Variants in ARHGAP6 observed in about 807,000 individuals in gnomAD.
ARHGAP6 encodes the protein rho GTPase-activating protein 6.
ARHGAP6 carries 16 observed loss-of-function variants against 55.7 expected under a neutral mutation model. That is an observed-to-expected ratio of 0.29 (90% CI 0.19 to 0.44). The LOEUF (loss-of-function observed/expected upper bound fraction) is 0.44, where lower values mean the gene tolerates loss of function less well. Ranked by LOEUF, ARHGAP6 falls within the 20% of genes least tolerant of loss-of-function variation. ARHGAP6 has a pLI of 1.00. For missense variants in ARHGAP6, 698 were observed against 808.9 expected (o/e 0.86, Z 1.66); for synonymous variants, 382 against 360.9 (o/e 1.06, Z -0.66).
chrX:11,543,463 T>C (rs903955670), intron 1 of ARHGAP6, among the ~76,000 whole-genome samples: 5 of 112,302 alleles, frequency 4.5e-5, no homozygotes, highest in African/African-American at 1.6e-4. Context: ...TTGGAGGCCA[T>C]GGATGCTGCT....
At chrX:11,436,062 A>G (rs1569343461) in intron 1 of ARHGAP6, among the ~76,000 whole-genome samples, 1 of 112,661 alleles carries the variant, frequency 8.9e-6, no homozygotes, top group East Asian at 2.8e-4. Context: ...TGACAAATGT[A>G]TACATAAACT....
At chrX:11,435,025 G>C (rs753926342) in intron 1 of ARHGAP6, among the ~76,000 whole-genome samples, 56 of 112,164 alleles carry the variant, frequency 5.0e-4, no homozygotes, top group African/African-American at 1.8e-3. Context: ...GCCAGGGGCA[G>C]ATTTGCCCCT....
chrX:11,394,544 A>G (rs2049453231), intron 1 of ARHGAP6, among the ~76,000 whole-genome samples: 1 of 112,108 alleles, frequency 8.9e-6, no homozygotes, highest in African/African-American at 3.2e-5. Flanking sequence ...TTACTTCAAT[A>G]AAGTTATTTT....
At chrX:11,146,992 G>A (rs1790814213) in intron 10 of ARHGAP6, among the ~76,000 whole-genome samples, 1 of 110,953 alleles carries the variant, frequency 9.0e-6, no homozygotes, top group African/African-American at 3.3e-5. Flanking sequence ...AAAAAAAGCT[G>A]TTTTATTCAC....
intron 1 of ARHGAP6, among the ~76,000 whole-genome samples, chrX:11,602,713 G>T (rs922073677): frequency 1.8e-5 from 2 of 112,645 alleles, no homozygotes; most frequent in Admixed American, 1.9e-4. Flanking sequence ...TGGTAATGTG[G>T]CACTACCAAC....
At chrX:11,290,675 C>T (rs3810738) in intron 1 of ARHGAP6, among the ~76,000 whole-genome samples, 20,299 of 110,385 alleles carry the variant, frequency 0.18, 1,464 homozygotes, top group Middle Eastern at 0.31. Flanking sequence ...TGAACTCTTA[C>T]AGATGATAGG....
intron 1 of ARHGAP6, among the ~76,000 whole-genome samples, chrX:11,279,240 A>T (rs1434167870): frequency 2.7e-5 from 3 of 111,946 alleles, no homozygotes; most frequent in African/African-American, 6.5e-5. Flanking sequence ...TAACAGATAA[A>T]TTTTTCTACT....
chrX:11,149,737 G>A (rs1169349746), intron 10 of ARHGAP6, among the ~76,000 whole-genome samples: 1 of 112,059 alleles, frequency 8.9e-6, no homozygotes, highest in Non-Finnish European at 1.9e-5. Flanking sequence ...TGTGATATTT[G>A]GTAAGTTAAA....
chrX:11,202,489 T>C (rs1174620545), intron 2 of ARHGAP6, among the ~76,000 whole-genome samples: 13 of 111,001 alleles, frequency 1.2e-4, no homozygotes, highest in Non-Finnish European at 2.3e-4. Context: ...AATACAGGTG[T>C]TTAAACAAAT....
intron 2 of ARHGAP6, among the ~76,000 whole-genome samples, chrX:11,201,989 CTGTGTGTGTGTGTGTGTGTGTG>C (rs56023548): frequency 1.5e-3 from 96 of 65,535 alleles, no homozygotes; most frequent in African/African-American, 5.0e-3. Flanking sequence ...GCATCTGGAT[CTGTGTGTGTGTGTGTGTGTGTG>C]TGTGTGTGTG....
chrX:11,258,720 T>C (rs1385996801), intron 1 of ARHGAP6, among the ~76,000 whole-genome samples: 1 of 112,268 alleles, frequency 8.9e-6, no homozygotes, highest in Non-Finnish European at 1.9e-5. Context: ...CTTAACTTCT[T>C]GGATTTTTAA....
chrX:11,612,353 C>G (rs1199771673), intron 1 of ARHGAP6, among the ~76,000 whole-genome samples: 1 of 112,098 alleles, frequency 8.9e-6, no homozygotes, highest in Non-Finnish European at 1.9e-5. Context: ...AAGAGAAAAA[C>G]CAGGTTGTCA....
chrX:11,178,417 T>C (rs1256460536), intron 7 of ARHGAP6, among the ~76,000 whole-genome samples, 169 bp from the exon 8 acceptor site: 10 of 109,093 alleles, frequency 9.2e-5, no homozygotes. Context: ...CAAGATTCTA[T>C]GAAAGATATA....
intron 1 of ARHGAP6, among the ~76,000 whole-genome samples, chrX:11,349,471 C>T (rs2048830645): frequency 9.0e-6 from 1 of 111,190 alleles, no homozygotes; most frequent in Non-Finnish European, 1.9e-5. Context: ...AACTGTATCT[C>T]CAAAGCCTAG....
intron 1 of ARHGAP6, among the ~76,000 whole-genome samples, chrX:11,325,616 T>A (rs1274583028): frequency 1.8e-5 from 2 of 112,485 alleles, no homozygotes; most frequent in African/African-American, 6.5e-5. Flanking sequence ...ACAGATAACA[T>A]CTGAAACCTG....
chrX:11,363,809 T>C (rs1267707940), intron 1 of ARHGAP6, among the ~76,000 whole-genome samples: 2 of 112,275 alleles, frequency 1.8e-5, no homozygotes, highest in Non-Finnish European at 3.8e-5. Flanking sequence ...TCAAAGCATT[T>C]AAAACAGAAC....
chrX:11,364,242 C>T (rs2049047232), intron 1 of ARHGAP6, among the ~76,000 whole-genome samples: 1 of 109,990 alleles, frequency 9.1e-6, no homozygotes, highest in African/African-American at 3.3e-5. Context: ...CGAAAAACTA[C>T]CTATTGAGTA....
intron 1 of ARHGAP6, chrX:11,299,009 T>C (rs1267141636): frequency 1.7e-6 from 2 of 1,195,894 alleles, no homozygotes; most frequent in Non-Finnish European, 1.1e-6. Flanking sequence ...ATGCAAATCC[T>C]GTGAAAATGG....
At position 11,217,369 on chromosome X, in the gene ARHGAP6, A is replaced by G. The variant is rs988894479; in HGVS notation, c.749-20373T>C. On this transcript the variant is annotated intron_variant, in intron 2 of 12. Coordinates refer to ENST00000337414, the MANE Select transcript of ARHGAP6 (RefSeq NM_013427.3). The stretch of plus-strand genomic sequence containing the variant: ...ATTCCTATTTCTCCACATCCTCTCC[A>G]GCATCTGTTGTTTCCTGACTTTTTA... Among the ~76,000 whole-genome samples the G allele has an allele frequency of 9.1e-4, 102 of 111,860 alleles. 1 individual carries two copies. The highest frequency in any genetic ancestry group is 3.3e-3 in the African/African-American group (100 of 30,753).
Sources: gnomAD v4.1 joint callset for allele counts (sites outside exome capture counted in the v4.1 genomes callset) on GRCh38, gnomAD v4.1.1 for gene constraint, MANE v1.5 for transcripts, NCBI Gene and HGNC (gene_info 2026-07-23, HGNC 2026-07-21) for gene names.